Variants in HLTF observed in about 807,000 individuals in gnomAD.
The protein encoded by HLTF is helicase like transcription factor.
In HLTF, 127 loss-of-function variants were observed where a neutral mutation model predicts 129.4. The observed-to-expected ratio is 0.98, with a 90% CI of 0.85 to 1.14. The LOEUF is 1.14. Ranked by LOEUF, HLTF falls within the 50% of genes most tolerant of loss-of-function variation. The pLI is 0.00. For missense variants in HLTF, 1,139 were observed against 1,187.1 expected (o/e 0.96, Z 0.60); for synonymous variants, 332 against 388.8 (o/e 0.85, Z 1.72).
In HLTF at chr3:149,040,833, TTGAC is replaced by T. The variant is rs1010967787; in HGVS notation, c.2376+653_2376+656del. On this transcript the variant is annotated intron_variant, in intron 20 of 24. Transcript: ENST00000310053. The stretch of plus-strand genomic sequence containing the variant: ...ATACAGGAATATGTTTACCTCATAA[TTGAC>T]TGAGCTATTTAATTATGAATTTATA... Among the ~76,000 whole-genome samples the T allele has an allele frequency of 5.4e-4, 83 of 152,294 alleles. 1 individual carries two copies. The highest frequency in any genetic ancestry group is 1.9e-3 in the African/African-American group (81 of 41,582).
Position 149,060,672 on chromosome 3 carries a change from A to T in HLTF, c.1256T>A (p.Val419Glu). The change falls in exon 12 of 25, where the codon GTA (valine) becomes GAA (glutamate). Residue 419 changes from valine (V) to glutamate (E), a missense_variant. By Grantham distance (121) the Val-to-Glu change is moderately radical. Transcript: ENST00000310053. ...PQKMKGKLKN[V>E]QSETKGRAKA... The stretch of plus-strand genomic sequence containing the variant: ...CGCCCTGCCTTTAGTTTCAGACTGT[A>T]CATTTTTCAGTTTGCCTAAAAATAA... The T allele has an allele frequency of 6.2e-7, 1 of 1,613,260 alleles. No homozygotes were observed. Among genetic ancestry groups the T allele is most frequent in the Non-Finnish European group, 8.5e-7 (1 of 1,179,396 alleles).
intron 9 of HLTF, among the ~76,000 whole-genome samples, chr3:149,063,785 T>A (rs1718143071): frequency 6.6e-6 from 1 of 152,132 alleles, no homozygotes; most frequent in East Asian, 1.9e-4. Context: ...AATGTCTTGC[T>A]GTACCAAGGC....
chr3:149,058,677 C>A (rs1198186845), intron 13 of HLTF, among the ~76,000 whole-genome samples: 1 of 152,150 alleles, frequency 6.6e-6, no homozygotes, highest in Non-Finnish European at 1.5e-5. Context: ...TTGTGTCTTA[C>A]TAAAGAGATC....
Position 149,050,376 on chromosome 3 carries a change from C to G in HLTF, c.1474-1G>C. On this transcript the variant is annotated splice_acceptor_variant, in intron 14 of 24. Coordinates refer to ENST00000310053, the MANE Select transcript of HLTF (RefSeq NM_003071.4). LOFTEE classifies it high-confidence loss of function. Reference sequence around the variant, plus strand: ...ATTTTATATGTTGTCCAAACTGGTCCTAAAGAAAAATTAGGAATATTTTTA... The same window carrying G: ...ATTTTATATGTTGTCCAAACTGGTCGTAAAGAAAAATTAGGAATATTTTTA... 6.5e-7 allele frequency: 1 copy of G among 1,549,974 alleles called. No homozygotes were observed. The highest frequency in any genetic ancestry group is 8.7e-7 in the Non-Finnish European group (1 of 1,144,676).
intron 2 of HLTF, among the ~76,000 whole-genome samples, chr3:149,077,598 A>T (rs963160355): frequency 6.6e-6 from 1 of 151,740 alleles, no homozygotes; most frequent in Non-Finnish European, 1.5e-5. Context: ...AGAGCTAGGG[A>T]ATGAGATGTC....
chr3:149,032,382 G>GAA lies in HLTF; in HGVS notation c.2878-12_2878-11dup. 30 of 1,298,710 alleles carry GAA rather than the reference G, an allele frequency of 2.3e-5. No individual in the cohort carries two copies. The highest frequency in any genetic ancestry group is 5.0e-5 in the South Asian group (3 of 59,866). 80.4% of individuals were successfully genotyped at this position (1,298,710 alleles called of 1,614,324 possible). On this transcript the variant is annotated splice_polypyrimidine_tract_variant and intron_variant, in intron 24 of 24. Transcript: ENST00000310053. The stretch of plus-strand genomic sequence containing the variant: ...AGTCCTTTACAATGAACTTTAAAAA[G>GAA]AAAAAAAAAAGTTAAGTAGTTTTTA...
chr3:149,073,582 T>C (rs1719061248), intron 4 of HLTF, among the ~76,000 whole-genome samples: 1 of 152,118 alleles, frequency 6.6e-6, no homozygotes, highest in Non-Finnish European at 1.5e-5. Flanking sequence ...TAGTCCCAGC[T>C]ACTCAGGAGG....
At chr3:149,069,521 T>G (rs1301011748) in intron 7 of HLTF, among the ~76,000 whole-genome samples, 2 of 151,962 alleles carry the variant, frequency 1.3e-5, no homozygotes, top group African/African-American at 4.8e-5. Flanking sequence ...CAGTACACAT[T>G]AATTTTATTA....
intron 2 of HLTF, among the ~76,000 whole-genome samples, chr3:149,082,960 T>C (rs898720586): frequency 1.3e-5 from 2 of 152,100 alleles, no homozygotes; most frequent in African/African-American, 2.4e-5. Flanking sequence ...CATTTAAAAA[T>C]AATGAACGTG....
chr3:149,085,420 C>A (rs999609600), intron 1 of HLTF, among the ~76,000 whole-genome samples: 1 of 152,076 alleles, frequency 6.6e-6, no homozygotes. Context: ...ACCCGGGAGG[C>A]GTAGGTTGCA....
chr3:149,039,311 C>T (rs1380289280), intron 22 of HLTF, 82 bp from the exon 23 acceptor site: 1 of 1,028,180 alleles, frequency 9.7e-7, no homozygotes, highest in African/African-American at 1.7e-5. Context: ...CAAATCTCTT[C>T]AATAAATTCT....
Position 149,050,146 on chromosome 3 carries a change from C to A in HLTF, c.1617+86G>T, listed in dbSNP as rs373623847. 30 of 749,732 alleles carry A rather than the reference C, an allele frequency of 4.0e-5. No homozygotes were observed. The African/African-American group carries it at 5.1e-4, about 13-fold the overall frequency. 46.4% of individuals were successfully genotyped at this position (749,732 alleles called of 1,614,324 possible). ...CTAAAGAGAAAAAAAAAGTATAAAGCCTGAATTTTGGAACACTCTAGAAAC... is the reference window on the plus strand; with the variant it reads ...CTAAAGAGAAAAAAAAAGTATAAAGACTGAATTTTGGAACACTCTAGAAAC... On this transcript the variant is annotated intron_variant, in intron 15 of 24. Transcript: ENST00000310053.
chr3:149,032,912 G>A (rs374609722), intron 24 of HLTF, among the ~76,000 whole-genome samples: 17 of 141,320 alleles, frequency 1.2e-4, no homozygotes, highest in South Asian at 4.5e-4. Context: ...GCAGTAAGCC[G>A]ACATTGCGCC....
chr3:149,048,071 TTC>T lies in HLTF; in HGVS notation c.1847_1848del (p.Arg616AsnfsTer11). 6.2e-7 allele frequency: 1 copy of T among 1,613,238 alleles called. No homozygotes were observed. The highest frequency in any genetic ancestry group is 8.5e-7 in the Non-Finnish European group (1 of 1,179,526). Reference sequence around the variant, plus strand: ...CCCATTGTGACAGGACGCTGTATTGTTCTATGCCACCATTCTCTATCAATAAA... The same window carrying T: ...CCCATTGTGACAGGACGCTGTATTGTTATGCCACCATTCTCTATCAATAAA... ...KPFIDREWWHRTIQRPVTMGD... is the reference protein window; with the variant it reads ...KPFIDREWWHXTIQRPVTMGD... On this transcript the variant is annotated frameshift_variant, in exon 17 of 25. Coordinates refer to ENST00000310053, the MANE Select transcript of HLTF (RefSeq NM_003071.4). LOFTEE classifies it high-confidence loss of function.
At chr3:149,084,471 C>T (rs896428534) in intron 2 of HLTF, among the ~76,000 whole-genome samples, 2 of 152,096 alleles carry the variant, frequency 1.3e-5, no homozygotes, top group African/African-American at 4.8e-5. Flanking sequence ...CGCACTGAGG[C>T]CAAGCATATT....
In HLTF at chr3:149,060,587, G is replaced by A. The variant is rs200230104; in HGVS notation, c.1285+56C>T. 5.7e-3 allele frequency: 7,643 copies of A among 1,342,908 alleles called. 30 individuals carry two copies. The highest frequency in any genetic ancestry group is 7.0e-3 in the Non-Finnish European group (6,670 of 949,440). 83.2% of individuals were successfully genotyped at this position (1,342,908 alleles called of 1,614,324 possible). A position where few individuals can be genotyped will look rare whatever the true frequency, so the allele number is the denominator to read the frequency against. Reference sequence around the variant, plus strand: ...CAACCTAGCGAGATACAAATCAATGGAGCTGTACTTTAATAATCTTGAAGT... The same window carrying A: ...CAACCTAGCGAGATACAAATCAATGAAGCTGTACTTTAATAATCTTGAAGT... On this transcript the variant is annotated intron_variant, in intron 12 of 24. Coordinates refer to ENST00000310053, the MANE Select transcript of HLTF (RefSeq NM_003071.4).
Position 149,042,354 on chromosome 3 carries a change from C to G in HLTF, c.2073-64G>C, listed in dbSNP as rs188648536. The G allele has an allele frequency of 3.5e-5, 48 of 1,383,876 alleles. No homozygotes were observed. The African/African-American group carries it at 4.0e-4, about 12-fold the overall frequency. 85.7% of individuals were successfully genotyped at this position (1,383,876 alleles called of 1,614,324 possible). On this transcript the variant is annotated intron_variant, in intron 18 of 24. Coordinates refer to ENST00000310053, the MANE Select transcript of HLTF (RefSeq NM_003071.4). ...ACAATAATAACTTCCTATTCTAAAA[C>G]AGCAGAGTAAAATGGCATTTTTCTT...
At chr3:149,049,985 T>C (rs1487776644) in intron 15 of HLTF, among the ~76,000 whole-genome samples, 1 of 144,172 alleles carries the variant, frequency 6.9e-6, no homozygotes, top group African/African-American at 2.6e-5. Context: ...AGAGCAAAAC[T>C]CCATCGAGAG....
chr3:149,033,850 C>T (rs1028912417), intron 24 of HLTF, among the ~76,000 whole-genome samples: 7 of 151,940 alleles, frequency 4.6e-5, no homozygotes, highest in African/African-American at 1.2e-4. Context: ...AAACCTAGAA[C>T]GTATAAAAAA....
Sources: gnomAD v4.1 joint callset for allele counts (sites outside exome capture counted in the v4.1 genomes callset) on GRCh38, gnomAD v4.1.1 for gene constraint, MANE v1.5 for transcripts, NCBI Gene and HGNC (gene_info 2026-07-23, HGNC 2026-07-21) for gene names.